Variants in NECAB2 observed in about 807,000 individuals in gnomAD.
NECAB2 encodes the protein N-terminal EF-hand calcium-binding protein 2.
Under a neutral mutation model 51.9 loss-of-function variants are expected in NECAB2, and 68 were observed. That is an observed-to-expected ratio of 1.31 (90% CI 1.08 to 1.60). The LOEUF (loss-of-function observed/expected upper bound fraction) is 1.60. Among genes scored for constraint, NECAB2 ranks in the 40% most tolerant of loss-of-function variants. The pLI is 0.00. For missense variants in NECAB2, 854 were observed against 490.3 expected (o/e 1.74, Z -7.00); for synonymous variants, 329 against 203.5 (o/e 1.62, Z -5.25).
Position 83,990,534 on chromosome 16 carries a change from G to T in NECAB2, c.500G>T (p.Arg167Leu). The T allele has an allele frequency of 2.5e-6, 4 of 1,614,086 alleles. No individual in the cohort carries two copies. Among genetic ancestry groups the T allele is most frequent in the Non-Finnish European group, 3.4e-6 (4 of 1,180,030 alleles). ...AGCAACGTGGACCAGTTTGTGACCC[G>T]CTTCCTCCTGAAGGAGACGGCCAAT... is the stretch of plus-strand genomic sequence containing the variant. ...GGSNVDQFVT[R>L]FLLKETANQI... Residue 167 changes from arginine (R) to leucine (L), a missense_variant, in exon 6 of 13, where the codon CGC becomes CTC. Transcript: ENST00000305202.
At position 83,981,155 on chromosome 16, in the gene NECAB2, T is replaced by TC. The variant is rs765200770; in HGVS notation, c.459+30dup. The TC allele has an allele frequency of 9.3e-6, 14 of 1,509,704 alleles. No individual in the cohort carries two copies. The South Asian group carries it at 1.6e-4, about 17-fold the overall frequency. 93.5% of individuals were successfully genotyped at this position (1,509,704 alleles called of 1,614,324 possible). ...CAGTGGGTGTAGGTGGCCCCCGGGG[T>TC]CCAGGGCTCCAGTGCTGCTTCAGTT... On this transcript the variant is annotated intron_variant, in intron 5 of 12. Coordinates refer to ENST00000305202, the MANE Select transcript of NECAB2 (RefSeq NM_019065.3).
intron 2 of NECAB2, among the ~76,000 whole-genome samples, chr16:83,972,704 A>G (rs1168593663): frequency 6.6e-6 from 1 of 152,116 alleles, no homozygotes; most frequent in African/African-American, 2.4e-5. Flanking sequence ...GGCTCTCCTG[A>G]AGACCGGGGC....
intron 1 of NECAB2, 111 bp from the exon 2 acceptor site, chr16:83,972,040 G>T: frequency 6.9e-7 from 1 of 1,457,492 alleles, no homozygotes; most frequent in Non-Finnish European, 9.5e-7. Flanking sequence ...AGCTTCCCAG[G>T]ACCCTAAGCT....
intron 2 of NECAB2, among the ~76,000 whole-genome samples, chr16:83,977,042 G>A (rs778922145): frequency 7.9e-5 from 12 of 152,260 alleles, no homozygotes; most frequent in Non-Finnish European, 1.0e-4. Flanking sequence ...GCTGCAATCC[G>A]CTTTCAACAC....
intron 10 of NECAB2, among the ~76,000 whole-genome samples, chr16:84,000,465 A>T (rs1011365935): frequency 1.3e-5 from 2 of 152,224 alleles, no homozygotes; most frequent in African/African-American, 4.8e-5. Flanking sequence ...CCTGGGCAAC[A>T]GAGTGAGACC....
chr16:83,988,787 C>A (rs1310878223), intron 5 of NECAB2, among the ~76,000 whole-genome samples: 2 of 152,108 alleles, frequency 1.3e-5, no homozygotes, highest in Non-Finnish European at 2.9e-5. Context: ...GAGCCTTTCC[C>A]TGTGGAGTCT....
At chr16:83,984,712 A>G (rs565912045) in intron 5 of NECAB2, among the ~76,000 whole-genome samples, 28 of 152,268 alleles carry the variant, frequency 1.8e-4, no homozygotes, top group African/African-American at 6.7e-4. Context: ...CCTGGGTGAC[A>G]AGAGAAACCC....
chr16:83,986,200 A>G (rs1435860718), intron 5 of NECAB2, among the ~76,000 whole-genome samples: 1 of 152,094 alleles, frequency 6.6e-6, no homozygotes, highest in Non-Finnish European at 1.5e-5. Flanking sequence ...TGTTTCTAGT[A>G]GAGACGGGTT....
At position 84,002,561 on chromosome 16, in the gene NECAB2, AG is replaced by A; in HGVS notation, c.*217del. ...TGCTGCCAGGTCCTGGTGAAGCCCA[AG>A]GTTGAAGGGGGCGGCTTCCTGGAGC... On this transcript the variant is annotated 3_prime_UTR_variant, in exon 13 of 13. Transcript: ENST00000305202. 2 of 638,600 alleles carry A rather than the reference AG, an allele frequency of 3.1e-6. No homozygotes were observed. The highest frequency in any genetic ancestry group is 5.4e-6 in the Non-Finnish European group (2 of 369,924). 39.6% of individuals were successfully genotyped at this position (638,600 alleles called of 1,614,324 possible).
At chr16:83,967,386 G>T (rs190793476), upstream of NECAB2, among the ~76,000 whole-genome samples, 584 of 145,590 alleles carry the variant, frequency 4.0e-3, 10 homozygotes, top group African/African-American at 0.014. Context: ...TGGGAGGATG[G>T]GTGGGTGGGT....
intron 10 of NECAB2, 47 bp from the exon 11 acceptor site, chr16:84,000,677 C>G (rs1351278121): frequency 2.5e-6 from 4 of 1,575,870 alleles, no homozygotes; most frequent in African/African-American, 2.7e-5. Flanking sequence ...ACTGAGGTGG[C>G]CTTGGTTGAG....
At chr16:83,998,826 C>T (rs1456036688) in intron 10 of NECAB2, among the ~76,000 whole-genome samples, 3 of 150,992 alleles carry the variant, frequency 2.0e-5, no homozygotes, top group Non-Finnish European at 4.4e-5. Flanking sequence ...CTGAGATGTC[C>T]AGGGCGGGGC....
Position 83,968,250 on chromosome 16 carries a change from T to G in NECAB2, c.-399T>G, listed in dbSNP as rs1477212852. Among the ~76,000 whole-genome samples the G allele has an allele frequency of 1.3e-4, 20 of 150,996 alleles. No homozygotes were observed. The highest frequency in any genetic ancestry group is 2.2e-4 in the Non-Finnish European group (15 of 67,616). Reference sequence around the variant, plus strand: ...TGGACACCCGCGCTTCGGCCTCTGCTGCGCGCCGCGAGTGGGAGGGGGGAC... The same window carrying G: ...TGGACACCCGCGCTTCGGCCTCTGCGGCGCGCCGCGAGTGGGAGGGGGGAC... On this transcript the variant is annotated 5_prime_UTR_variant, in exon 1 of 13. Transcript: ENST00000305202.
At chr16:83,999,942 A>C (rs2084791917) in intron 10 of NECAB2, among the ~76,000 whole-genome samples, 1 of 152,192 alleles carries the variant, frequency 6.6e-6, no homozygotes, top group Non-Finnish European at 1.5e-5. Flanking sequence ...GTGAGTGTGT[A>C]GTAGTGGAAG....
chr16:83,965,687 G>A, upstream of NECAB2: 1 of 1,613,632 alleles, frequency 6.2e-7, no homozygotes, highest in Non-Finnish European at 8.5e-7. Flanking sequence ...CTTCAAGGAA[G>A]ACTGCCAGGC....
intron 1 of NECAB2, among the ~76,000 whole-genome samples, chr16:83,969,556 C>G (rs1394605891): frequency 6.6e-6 from 1 of 152,040 alleles, no homozygotes; most frequent in South Asian, 2.1e-4. Flanking sequence ...TCTTCATGGA[C>G]CAGACTCACC....
In NECAB2 at chr16:84,002,407, G is replaced by GT. The variant is rs1567683001; in HGVS notation, c.*68dup. ...CCCTTCTTCTTGTGAAGGAAATCCCGTTTTTTTCTAGACAGACACTTTGGT... is the reference window on the plus strand; with the variant it reads ...CCCTTCTTCTTGTGAAGGAAATCCCGTTTTTTTTCTAGACAGACACTTTGGT... On this transcript the variant is annotated 3_prime_UTR_variant, in exon 13 of 13. Transcript: ENST00000305202. 9.5e-6 allele frequency: 13 copies of GT among 1,361,786 alleles called. No individual in the cohort carries two copies. Among genetic ancestry groups the GT allele is most frequent in the African/African-American group, 4.0e-5 (1 of 24,766 alleles). The allele number at this position is 1,361,786 out of a possible 1,614,324, so 84.4% of individuals were successfully genotyped here.
At chr16:83,971,712 A>T (rs560033093) in intron 1 of NECAB2, 1 of 198,064 alleles carries the variant, frequency 5.0e-6, no homozygotes, top group African/African-American at 2.3e-5. Flanking sequence ...ACTTTGCCCA[A>T]CCTCCCTGGA....
chr16:83,993,988 G>A (rs1420935383), intron 6 of NECAB2, among the ~76,000 whole-genome samples: 6 of 152,198 alleles, frequency 3.9e-5, no homozygotes, highest in Admixed American at 2.6e-4. Context: ...GCTTCGAGCT[G>A]TTAGAGTGGG....
Sources: allele counts gnomAD v4.1 joint callset (sites outside exome capture counted in the v4.1 genomes callset), GRCh38; gene constraint gnomAD v4.1.1; transcripts MANE v1.5; gene names NCBI Gene and HGNC (gene_info 2026-07-23, HGNC 2026-07-21).